The following THADA variants were observed in gnomAD, a reference collection of about 807,000 sequenced individuals.
THADA encodes the protein tRNA (32-2'-O)-methyltransferase regulator THADA.
A neutral mutation model predicts 219.8 loss-of-function variants in THADA; 213 were observed. That is an observed-to-expected ratio of 0.97 (90% CI 0.87 to 1.09). The LOEUF (loss-of-function observed/expected upper bound fraction) is 1.09, where lower values mean the gene tolerates loss of function less well. Ranked by LOEUF, THADA falls within the 50% of genes least tolerant of loss-of-function variation. The probability of loss-of-function intolerance (pLI) is 0.00; values close to 1 mark genes in which losing one functional copy is unlikely to be tolerated. For missense variants in THADA, 2,956 were observed against 2,311.3 expected (o/e 1.28, Z -5.72); for synonymous variants, 1,018 against 828.9 (o/e 1.23, Z -3.92).
intron 36 of THADA, among the ~76,000 whole-genome samples, chr2:43,245,172 C>CTTCTTTTTTTTTTTTTTTTTTTT (rs796699945): frequency 9.7e-6 from 1 of 103,144 alleles, no homozygotes; most frequent in African/African-American, 5.0e-5. Flanking sequence ...CTTTCTTCTT[C>CTTCTTTTTTTTTTTTTTTTTTTT]TTTTTTTTTT....
In THADA at chr2:43,393,435, G is replaced by A. The variant is rs186284394; in HGVS notation, c.4227+4536C>T. Among the ~76,000 whole-genome samples the A allele has an allele frequency of 5.8e-3, 886 of 152,240 alleles. 3 individuals carry two copies. Among genetic ancestry groups the A allele is most frequent in the South Asian group, 0.02 (96 of 4,820 alleles). The stretch of plus-strand genomic sequence containing the variant: ...TTAATATGTTATCTCAGCCGGGTGC[G>A]GTGGCTCACGCCCGTAATCCCAACA... On this transcript the variant is annotated intron_variant, in intron 29 of 37. Coordinates refer to ENST00000405975, the MANE Select transcript of THADA (RefSeq NM_022065.5).
chr2:43,511,005 A>G (rs544816913), intron 22 of THADA, among the ~76,000 whole-genome samples: 8 of 151,900 alleles, frequency 5.3e-5, no homozygotes, highest in African/African-American at 7.2e-5. Flanking sequence ...AAAAAAAAGC[A>G]AAAATTTTTT....
intron 36 of THADA, among the ~76,000 whole-genome samples, chr2:43,267,500 T>C (rs916451527): frequency 6.6e-6 from 1 of 152,228 alleles, no homozygotes; most frequent in Non-Finnish European, 1.5e-5. Context: ...ATGGGCTTTT[T>C]AGCTAAGCGT....
At chr2:43,547,647 G>A (rs560055906) in intron 20 of THADA, among the ~76,000 whole-genome samples, 1 of 152,136 alleles carries the variant, frequency 6.6e-6, no homozygotes, top group African/African-American at 2.4e-5. Flanking sequence ...CTTTCTTCCA[G>A]TGGATTGCAT....
chr2:43,238,506 A>G (rs1668296707), intron 36 of THADA, among the ~76,000 whole-genome samples: 1 of 152,212 alleles, frequency 6.6e-6, no homozygotes, highest in Non-Finnish European at 1.5e-5. Context: ...GAACCCTCAT[A>G]CATTTTTAGT....
chr2:43,248,823 C>G (rs1226980309), intron 36 of THADA, among the ~76,000 whole-genome samples: 2 of 152,282 alleles, frequency 1.3e-5, no homozygotes, highest in East Asian at 3.9e-4. Context: ...CTCTCAGCCT[C>G]GTGCCCAGTC....
intron 22 of THADA, among the ~76,000 whole-genome samples, chr2:43,521,743 G>A (rs1163942167): frequency 2.0e-5 from 3 of 152,188 alleles, no homozygotes; most frequent in African/African-American, 7.2e-5. Flanking sequence ...CCTATCCACA[G>A]AGCTATCTCA....
intron 4 of THADA, among the ~76,000 whole-genome samples, 181 bp from the exon 5 acceptor site, chr2:43,587,183 T>A (rs1224460526): frequency 6.6e-6 from 1 of 152,170 alleles, no homozygotes; most frequent in African/African-American, 2.4e-5. Flanking sequence ...CTGGTCTCCC[T>A]GCTTCCACCT....
At chr2:43,411,640 T>G (rs1448787796) in intron 28 of THADA, among the ~76,000 whole-genome samples, 1 of 152,172 alleles carries the variant, frequency 6.6e-6, no homozygotes, top group Non-Finnish European at 1.5e-5. Flanking sequence ...GGATTATTTT[T>G]CAATATATTC....
intron 26 of THADA, among the ~76,000 whole-genome samples, chr2:43,430,849 T>C (rs1312109758): frequency 6.6e-6 from 1 of 152,228 alleles, no homozygotes; most frequent in Non-Finnish European, 1.5e-5. Flanking sequence ...AATGAAAATG[T>C]CTTTAGACAT....
At chr2:43,358,060 A>T (rs2104579220) in intron 29 of THADA, among the ~76,000 whole-genome samples, 1 of 152,266 alleles carries the variant, frequency 6.6e-6, no homozygotes. Flanking sequence ...TATTAACCAG[A>T]CTGCATACCT....
intron 20 of THADA, among the ~76,000 whole-genome samples, chr2:43,543,841 A>T (rs1010034076): frequency 1.3e-5 from 2 of 151,630 alleles, no homozygotes; most frequent in Non-Finnish European, 3.0e-5. Context: ...CTCTGATGGT[A>T]GTTTCTTTTG....
rs180754493 is a variant in THADA at position 43,530,622 on chromosome 2, T to C, written c.3265-2634A>G. ...CTTCCTTAATTTTTTTCCCAAAATG[T>C]TGCAGATATTAAAACATACTTCAGG... is the stretch of plus-strand genomic sequence containing the variant. On this transcript the variant is annotated intron_variant, in intron 21 of 37. Transcript: ENST00000405975. Among the ~76,000 whole-genome samples, 15 of 152,338 alleles carry C rather than the reference T, an allele frequency of 9.8e-5. No homozygotes were observed. The East Asian group carries it at 2.3e-3, about 23-fold the overall frequency.
chr2:43,364,791 G>A (rs1055935104), intron 29 of THADA, among the ~76,000 whole-genome samples: 1 of 152,172 alleles, frequency 6.6e-6, no homozygotes, highest in African/African-American at 2.4e-5. Flanking sequence ...AAGGTCCATG[G>A]AGTTAGAGAT....
intron 16 of THADA, among the ~76,000 whole-genome samples, chr2:43,558,134 C>A (rs924087221): frequency 1.3e-5 from 2 of 152,050 alleles, no homozygotes; most frequent in African/African-American, 4.8e-5. Flanking sequence ...TTAGGTCAAT[C>A]GAAGTATAAT....
chr2:43,305,753 T>A (rs1196338273), intron 31 of THADA, among the ~76,000 whole-genome samples: 3 of 152,114 alleles, frequency 2.0e-5, no homozygotes, highest in Non-Finnish European at 2.9e-5. Context: ...CAGCTTTTAC[T>A]ATTGCCTCCA....
At chr2:43,530,728 T>A (rs951274837) in intron 21 of THADA, among the ~76,000 whole-genome samples, 3 of 152,222 alleles carry the variant, frequency 2.0e-5, no homozygotes, top group Non-Finnish European at 4.4e-5. Flanking sequence ...TAGGCAAACA[T>A]CAGATTTTCA....
chr2:43,298,914 T>C (rs759569799), intron 31 of THADA, among the ~76,000 whole-genome samples: 15 of 152,154 alleles, frequency 9.9e-5, no homozygotes, highest in Non-Finnish European at 2.2e-4. Flanking sequence ...CCTAAGCATA[T>C]ACAGGTTGAG....
In THADA at chr2:43,551,846, A is replaced by C; in HGVS notation, c.2890T>G (p.Ser964Ala). Reference protein sequence around the residue: ...LMSYRLSTVVSPVIQSSSPEG... With the variant: ...LMSYRLSTVVAPVIQSSSPEG... ...GGGGATGAGCTCTGAATGACTGGAG[A>C]CACCACAGTGGAAAGCCTGTAGGAC... The change falls in exon 19 of 38, where the codon TCT (serine) becomes GCT (alanine). Residue 964 changes from serine to alanine, a missense_variant. Ser to Ala is a moderately conservative substitution (Grantham distance 99). Transcript: ENST00000405975. 1 of 1,613,870 alleles carries C rather than the reference A, an allele frequency of 6.2e-7. No individual in the cohort carries two copies. Among genetic ancestry groups the C allele is most frequent in the Non-Finnish European group, 8.5e-7 (1 of 1,179,844 alleles).
Sources: allele counts gnomAD v4.1 joint callset (sites outside exome capture counted in the v4.1 genomes callset), GRCh38; gene constraint gnomAD v4.1.1; transcripts MANE v1.5; gene names NCBI Gene and HGNC (gene_info 2026-07-23, HGNC 2026-07-21).